The following PHACTR1 variants were observed in gnomAD, a reference collection of about 807,000 sequenced individuals.
PHACTR1 encodes phosphatase and actin regulator 1, also known as RPEL repeat containing 1.
PHACTR1 carries 16 observed loss-of-function variants against 69.2 expected under a neutral mutation model. That is an observed-to-expected ratio of 0.23 (90% CI 0.16 to 0.35). PHACTR1 has a LOEUF of 0.35. Ranked by LOEUF, PHACTR1 falls within the 10% of genes least tolerant of loss-of-function variation. PHACTR1 has a pLI of 1.00. For missense variants in PHACTR1, 510 were observed against 734.7 expected, an observed-to-expected ratio of 0.69 and a Z score of 3.54; for synonymous variants, 312 against 284.5, an observed-to-expected ratio of 1.10 and a Z score of -0.97.
At chr6:12,992,191 CAG>C (rs1796897421) in intron 4 of PHACTR1, among the ~76,000 whole-genome samples, 1 of 152,160 alleles carries the variant, frequency 6.6e-6, no homozygotes. Flanking sequence ...AAGGAGAAAT[CAG>C]AGTTTCCTCC....
At chr6:13,114,827 GC>G (rs994538144) in intron 5 of PHACTR1, among the ~76,000 whole-genome samples, 3 of 152,186 alleles carry the variant, frequency 2.0e-5, no homozygotes, top group Admixed American at 6.5e-5. Flanking sequence ...AGACTGAAAA[GC>G]CCTGGTTTAA....
At chr6:13,134,224 C>T (rs11746130) in intron 5 of PHACTR1, among the ~76,000 whole-genome samples, 125 of 150,898 alleles carry the variant, frequency 8.3e-4, no homozygotes, top group African/African-American at 2.7e-3. Context: ...GCCCCCGCCC[C>T]GCCAGCCGCC....
intron 8 of PHACTR1, among the ~76,000 whole-genome samples, chr6:13,208,911 C>T (rs1032101493): frequency 1.3e-5 from 2 of 152,122 alleles, no homozygotes; most frequent in African/African-American, 4.8e-5. Flanking sequence ...AGCATGATCT[C>T]GGCAGCAGAG....
chr6:13,171,542 C>A (rs766811777), intron 6 of PHACTR1, among the ~76,000 whole-genome samples: 1 of 152,216 alleles, frequency 6.6e-6, no homozygotes, highest in Non-Finnish European at 1.5e-5. Context: ...AATATTCTGT[C>A]ATCTGCATCG....
chr6:13,116,999 A>G (rs1201763408), intron 5 of PHACTR1, among the ~76,000 whole-genome samples: 1 of 152,230 alleles, frequency 6.6e-6, no homozygotes, highest in Non-Finnish European at 1.5e-5. Context: ...GCTCAATTGC[A>G]TCTTGGTTTA....
intron 4 of PHACTR1, among the ~76,000 whole-genome samples, chr6:12,881,964 G>A (rs1396287922): frequency 6.6e-6 from 1 of 152,178 alleles, no homozygotes. Context: ...CCAGGGTACA[G>A]AAGTGTCCTG....
At chr6:13,083,637 G>A (rs867144138) in intron 5 of PHACTR1, among the ~76,000 whole-genome samples, 1 of 152,096 alleles carries the variant, frequency 6.6e-6, no homozygotes, top group Non-Finnish European at 1.5e-5. Context: ...GTGATTTGTA[G>A]TTCTCCTTGA....
At chr6:12,890,500 G>A (rs1784075000) in intron 4 of PHACTR1, among the ~76,000 whole-genome samples, 1 of 152,082 alleles carries the variant, frequency 6.6e-6, no homozygotes, top group Non-Finnish European at 1.5e-5. Flanking sequence ...ACCTGTTCTG[G>A]GTCCTGATTC....
chr6:12,741,998 T>C (rs1765109900), intron 3 of PHACTR1, among the ~76,000 whole-genome samples: 1 of 152,196 alleles, frequency 6.6e-6, no homozygotes, highest in African/African-American at 2.4e-5. Context: ...TATTGATAGA[T>C]ATTTGATGGT....
At chr6:13,005,073 G>T (rs1256015107) in intron 4 of PHACTR1, among the ~76,000 whole-genome samples, 4 of 151,648 alleles carry the variant, frequency 2.6e-5, no homozygotes, top group African/African-American at 9.7e-5. Flanking sequence ...TACACCAGAA[G>T]CTCACTAAAT....
chr6:13,152,891 G>C (rs1014199211), intron 5 of PHACTR1, among the ~76,000 whole-genome samples: 1 of 152,142 alleles, frequency 6.6e-6, no homozygotes, highest in Non-Finnish European at 1.5e-5. Context: ...GAAGGAACAG[G>C]CAAGACAGAA....
Position 12,912,825 on chromosome 6 carries a change from G to A in PHACTR1, c.251-140540G>A, listed in dbSNP as rs572821909. 2.0e-4 allele frequency among the ~76,000 whole-genome samples: 31 copies of A among 152,168 alleles called. No homozygotes were observed. The South Asian group carries it at 2.1e-3, about 10-fold the overall frequency. Reference sequence around the variant, plus strand: ...AAAAATTAGCCAGGTGTGGTGGTGCGTGCCTGTAGCCCCAGCTACTCAAGA... The same window carrying A: ...AAAAATTAGCCAGGTGTGGTGGTGCATGCCTGTAGCCCCAGCTACTCAAGA... On this transcript the variant is annotated intron_variant, in intron 4 of 14. Transcript: ENST00000332995.
chr6:12,880,755 A>G (rs913525954), intron 4 of PHACTR1, among the ~76,000 whole-genome samples: 1 of 152,224 alleles, frequency 6.6e-6, no homozygotes, highest in Non-Finnish European at 1.5e-5. Flanking sequence ...AGGAAAAGAA[A>G]AAAAAGAAAA....
intron 5 of PHACTR1, among the ~76,000 whole-genome samples, chr6:13,145,528 G>A (rs982667195): frequency 2.4e-4 from 36 of 152,088 alleles, no homozygotes; most frequent in Admixed American, 2.0e-3. Flanking sequence ...GTTTGTGCCC[G>A]CCCCACCACC....
chr6:13,026,594 C>G (rs1443447821), intron 4 of PHACTR1, among the ~76,000 whole-genome samples: 1 of 152,082 alleles, frequency 6.6e-6, no homozygotes, highest in Non-Finnish European at 1.5e-5. Context: ...TTCTTCCCGT[C>G]TTCTCCTCTC....
At chr6:12,754,082 C>G (rs549525452) in intron 4 of PHACTR1, among the ~76,000 whole-genome samples, 2 of 150,090 alleles carry the variant, frequency 1.3e-5, no homozygotes, top group Admixed American at 1.3e-4. Context: ...CCTGCCTCAG[C>G]CTCCCGAGTA....
chr6:13,237,718 G>A (rs1772214848), intron 10 of PHACTR1, among the ~76,000 whole-genome samples: 1 of 152,206 alleles, frequency 6.6e-6, no homozygotes. Context: ...AGGCAATTTT[G>A]TCATTGTGTG....
At chr6:13,102,217 A>T (rs2127863743) in intron 5 of PHACTR1, among the ~76,000 whole-genome samples, 1 of 152,352 alleles carries the variant, frequency 6.6e-6, no homozygotes, top group African/African-American at 2.4e-5. Context: ...CCATGGAAGG[A>T]ACTATTGATT....
chr6:12,755,312 A>G (rs1359408036), intron 4 of PHACTR1, among the ~76,000 whole-genome samples: 3 of 152,214 alleles, frequency 2.0e-5, no homozygotes, highest in Non-Finnish European at 4.4e-5. Flanking sequence ...TCCTAAGACC[A>G]TGGGCAAGCC....
Sources: gnomAD v4.1 joint callset for allele counts (sites outside exome capture counted in the v4.1 genomes callset) on GRCh38, gnomAD v4.1.1 for gene constraint, MANE v1.5 for transcripts, NCBI Gene and HGNC (gene_info 2026-07-23, HGNC 2026-07-21) for gene names.